The following MIA2 variants were observed in gnomAD, a reference collection of about 807,000 sequenced individuals.
MIA2 encodes MIA SH3 domain ER export factor 2.
Under a neutral mutation model 167.8 loss-of-function variants are expected in MIA2, and 127 were observed. The ratio of observed to expected loss-of-function variants is 0.76; its 90% CI spans 0.66 to 0.88. The LOEUF (loss-of-function observed/expected upper bound fraction) is 0.88. Ranked by LOEUF, MIA2 falls within the 40% of genes least tolerant of loss-of-function variation. The pLI is 0.00. For missense variants in MIA2, 1,690 were observed against 1,624.7 expected (o/e 1.04, Z -0.69); for synonymous variants, 552 against 541.9 (o/e 1.02, Z -0.26).
At chr14:39,361,339 C>T (rs943116341) in intron 23 of MIA2, among the ~76,000 whole-genome samples, 1 of 151,868 alleles carries the variant, frequency 6.6e-6, no homozygotes, top group Non-Finnish European at 1.5e-5. Flanking sequence ...TTGTAGTTTT[C>T]CTTGTGAAGG....
rs369698369 is a variant in MIA2, at chr14:39,327,068, G to A, written c.3655+46G>A. ...TTATTTCTCTTTGAAAGGCAGCTGG[G>A]ATGTGGAATACACAGGAATGGAAGA... On this transcript the variant is annotated intron_variant, in intron 25 of 28. Coordinates refer to ENST00000640607, the MANE Select transcript of MIA2 (RefSeq NM_001329214.4). 8 of 1,382,566 alleles carry A rather than the reference G, an allele frequency of 5.8e-6. No homozygotes were observed. The African/African-American group carries it at 1.2e-4, about 21-fold the overall frequency. The allele number at this position is 1,382,566 out of a possible 1,614,324, so 85.6% of individuals were successfully genotyped here.
intron 6 of MIA2, among the ~76,000 whole-genome samples, chr14:39,257,796 C>A (rs2054889708): frequency 6.6e-6 from 1 of 152,190 alleles, no homozygotes; most frequent in Non-Finnish European, 1.5e-5. Flanking sequence ...CAAAATCCCT[C>A]AGCATTTGCT....
At chr14:39,239,036 C>T (rs919169226) in intron 2 of MIA2, among the ~76,000 whole-genome samples, 2 of 152,080 alleles carry the variant, frequency 1.3e-5, no homozygotes, top group African/African-American at 2.4e-5. Flanking sequence ...CAAGCATGGT[C>T]GACTTGATAC....
At position 39,386,748 on chromosome 14, in the gene MIA2, T is replaced by A. The variant is rs2075277915; in HGVS notation, c.2249-137T>A. On this transcript the variant is annotated intron_variant, in intron 23 of 23. Transcript: ENST00000341502. Reference sequence around the variant, plus strand: ...TTTGTAATCTGGTTCAGTTTCTTCATCCTCCTCTAACTGAAATGCCCGCTT... The same window carrying A: ...TTTGTAATCTGGTTCAGTTTCTTCAACCTCCTCTAACTGAAATGCCCGCTT... 7 of 1,339,698 alleles carry A rather than the reference T, an allele frequency of 5.2e-6. No individual in the cohort carries two copies. In the South Asian group the frequency reaches 7.0e-5, roughly 13 times the overall value. 83.0% of individuals were successfully genotyped at this position (1,339,698 alleles called of 1,614,324 possible). A position where few individuals can be genotyped will look rare whatever the true frequency, so the allele number is the denominator to read the frequency against.
intron 13 of MIA2, among the ~76,000 whole-genome samples, chr14:39,299,305 CTTTTTTTT>C (rs34424266): frequency 5.3e-5 from 5 of 95,090 alleles, no homozygotes; most frequent in South Asian, 4.0e-4. Flanking sequence ...AATGGTATTT[CTTTTTTTT>C]TTTTTTTTTT....
At chr14:39,301,023 CAT>C (rs897438016) in intron 14 of MIA2, among the ~76,000 whole-genome samples, 2 of 127,464 alleles carry the variant, frequency 1.6e-5, no homozygotes, top group African/African-American at 6.5e-5. Flanking sequence ...TATATACACA[CAT>C]ATATACATAT....
At chr14:39,273,534 T>G (rs1020980149) in intron 6 of MIA2, among the ~76,000 whole-genome samples, 2 of 152,140 alleles carry the variant, frequency 1.3e-5, no homozygotes, top group African/African-American at 4.8e-5. Flanking sequence ...TGTTGAATGT[T>G]TTGACTATGA....
chr14:39,262,847 A>ATT (rs2055190827), intron 6 of MIA2, among the ~76,000 whole-genome samples: 1 of 151,934 alleles, frequency 6.6e-6, no homozygotes, highest in Non-Finnish European at 1.5e-5. Flanking sequence ...AATGCTTGTG[A>ATT]TTTTTGCACA....
At chr14:39,280,615 C>T (rs934035229) in intron 9 of MIA2, among the ~76,000 whole-genome samples, 2 of 152,070 alleles carry the variant, frequency 1.3e-5, no homozygotes, top group African/African-American at 2.4e-5. Flanking sequence ...TACCTGTAGT[C>T]CCAGCTACTC....
At chr14:39,274,450 A>C (rs957124542) in intron 6 of MIA2, among the ~76,000 whole-genome samples, 30 of 138,996 alleles carry the variant, frequency 2.2e-4, no homozygotes, top group African/African-American at 7.3e-4. Flanking sequence ...TTTTTTTGAG[A>C]TGGAGTCTCA....
chr14:39,299,055 C>A (rs1339285733), intron 13 of MIA2, among the ~76,000 whole-genome samples: 3 of 115,256 alleles, frequency 2.6e-5, no homozygotes, highest in African/African-American at 6.8e-5. Context: ...CAGAATGAGA[C>A]CCTCCCTGCC....
chr14:39,302,364 C>T (rs746984331), intron 15 of MIA2, 115 bp downstream of exon 15: 99 of 1,176,562 alleles, frequency 8.4e-5, no homozygotes, highest in Non-Finnish European at 1.1e-4. Flanking sequence ...CACATTCTGT[C>T]TGTCTGTGAC....
At chr14:39,353,384 AT>A (rs1364374136), downstream of MIA2, among the ~76,000 whole-genome samples, 1 of 152,042 alleles carries the variant, frequency 6.6e-6, no homozygotes, top group Non-Finnish European at 1.5e-5. Flanking sequence ...CTATCATTCT[AT>A]TCTCTGTGTA....
chr14:39,302,132 C>G lies in MIA2; in HGVS notation c.2623C>G (p.Leu875Val). The G allele has an allele frequency of 6.2e-7, 1 of 1,613,296 alleles. No homozygotes were observed. The highest frequency in any genetic ancestry group is 8.5e-7 in the Non-Finnish European group (1 of 1,179,476). ...LNDKESHIKT[L>V]TERLLKMKDW... The stretch of plus-strand genomic sequence containing the variant: ...TTCCCCTTTGTTCAATGTCAAGACT[C>G]TGACTGAACGCTTGTTAAAGATGAA... The change falls in exon 15 of 29, where the codon CTG (leucine) becomes GTG (valine). Residue 875 changes from leucine to valine, a missense_variant. Transcript: ENST00000640607.
rs373626632 is a variant in MIA2, at chr14:39,350,196, C to T, written c.4171C>T (p.Pro1391Ser). Reference protein sequence around the residue: ...PPHSEGRSEFPSGLIPPSNEP... With the variant: ...PPHSEGRSEFSSGLIPPSNEP... ...ACATTCTGAAGGTAGAAGTGAGTTC[C>T]CCTCAGGTTTGATTCCACCTTCAAA... is the stretch of plus-strand genomic sequence containing the variant. The change falls in exon 29 of 29, where the codon CCC becomes TCC. Residue 1391 changes from proline to serine, a missense_variant. By Grantham distance (74) the Pro-to-Ser change is moderately conservative. Transcript: ENST00000640607. 15 of 1,494,004 alleles carry T rather than the reference C, an allele frequency of 1.0e-5. No homozygotes were observed. The highest frequency in any genetic ancestry group is 1.3e-5 in the Non-Finnish European group (14 of 1,103,272). The allele number at this position is 1,494,004 out of a possible 1,614,324, so 92.5% of individuals were successfully genotyped here.
intron 23 of MIA2, among the ~76,000 whole-genome samples, chr14:39,361,915 A>G (rs1256227759): frequency 3.3e-5 from 5 of 152,086 alleles, no homozygotes; most frequent in Admixed American, 3.3e-4. Flanking sequence ...TAATGAAGGG[A>G]TGTTTAATTT....
At chr14:39,375,414 G>A (rs1283158514) in intron 23 of MIA2, among the ~76,000 whole-genome samples, 1 of 152,204 alleles carries the variant, frequency 6.6e-6, no homozygotes, top group Admixed American at 6.5e-5. Context: ...TGTGGATCCA[G>A]GCCAGGCATG....
At chr14:39,331,862 T>A (rs748127818) in intron 25 of MIA2, among the ~76,000 whole-genome samples, 10 of 152,204 alleles carry the variant, frequency 6.6e-5, no homozygotes, top group Admixed American at 1.3e-4. Flanking sequence ...TAACCTGACC[T>A]TTCTCTCTGG....
chr14:39,257,257 A>G (rs1052654332), intron 6 of MIA2, among the ~76,000 whole-genome samples: 26 of 152,220 alleles, frequency 1.7e-4, no homozygotes, highest in African/African-American at 5.1e-4. Flanking sequence ...TGCTTTATGA[A>G]TCTGAGTGCT....
Sources: allele counts gnomAD v4.1 joint callset (sites outside exome capture counted in the v4.1 genomes callset), GRCh38; gene constraint gnomAD v4.1.1; transcripts MANE v1.5; gene names NCBI Gene and HGNC (gene_info 2026-07-23, HGNC 2026-07-21).